TSC22D1: variants seen among roughly 807,000 people sequenced by gnomAD.
The protein encoded by TSC22D1 is TSC22 domain family member 1.
In TSC22D1, 9 loss-of-function variants were observed where a neutral mutation model predicts 74.2. The ratio of observed to expected loss-of-function variants is 0.12; its 90% CI spans 0.07 to 0.21. The LOEUF is 0.21. TSC22D1 is among the 10% of genes least tolerant of loss of function. The pLI, the probability that TSC22D1 is intolerant of heterozygous loss-of-function variation, is 1.00. For synonymous variants in TSC22D1, 586 were observed against 492.5 expected, an observed-to-expected ratio of 1.19 and a Z score of -2.51; for missense variants, 1,427 against 1,304.7, an observed-to-expected ratio of 1.09 and a Z score of -1.44.
At chr13:44,499,628 AT>A (rs1466579735) in intron 1 of TSC22D1, among the ~76,000 whole-genome samples, 2 of 152,140 alleles carry the variant, frequency 1.3e-5, no homozygotes, top group Non-Finnish European at 2.9e-5. Flanking sequence ...GACCCAAAGC[AT>A]TTCCCCCAAG....
Position 44,576,063 on chromosome 13 carries a change from C to A in TSC22D1, c.12G>T (p.Pro4=). 1.3e-6 allele frequency: 2 copies of A among 1,559,876 alleles called. No homozygotes were observed. The highest frequency in any genetic ancestry group is 8.7e-7 in the Non-Finnish European group (1 of 1,155,990). ...CGGCGGCCGCGGCGGTGGACTCAGG[C>A]GGCTGGTGCATTGTGTTGGGTACCG... MHQ[P]PESTAAAAAA... The change falls in exon 1 of 3, where the codon CCG becomes CCT. Residue 4 remains proline (P), a synonymous_variant. Transcript: ENST00000458659.
Position 44,573,319 on chromosome 13 carries a change from G to A in TSC22D1, c.2756C>T (p.Pro919Leu), listed in dbSNP as rs753953378. ...QIEDARRAAE[P>L]SLVGLPQTIS... ...AGTCTGAGGTAAGCCAACTAAGGAG[G>A]GCTCCGCTGCACGCCTGGCATCTTC... The change falls in exon 1 of 3, where the codon CCC becomes CTC. Residue 919 changes from proline (P) to leucine (L), a missense_variant. Physicochemically the swap from Pro to Leu is moderately conservative, Grantham distance 98 (BLOSUM62 -3). Transcript: ENST00000458659. 3 of 1,614,230 alleles carry A rather than the reference G, an allele frequency of 1.9e-6. No individual in the cohort carries two copies. Among genetic ancestry groups the A allele is most frequent in the Non-Finnish European group, 2.5e-6 (3 of 1,180,028 alleles).
intron 1 of TSC22D1, among the ~76,000 whole-genome samples, chr13:44,441,021 G>T (rs1875155111): frequency 6.6e-6 from 1 of 152,158 alleles, no homozygotes; most frequent in African/African-American, 2.4e-5. Context: ...TGTAAAGGTA[G>T]AATTAAAACA....
intron 1 of TSC22D1, chr13:44,474,336 G>A: frequency 1.0e-6 from 1 of 956,862 alleles, no homozygotes; most frequent in Non-Finnish European, 1.2e-6. Context: ...AAGTGCTTCA[G>A]GAAGTAGTCC....
rs1391838311 is a variant in TSC22D1 at position 44,573,292 on chromosome 13, A to C, written c.2783T>G (p.Ile928Ser). 6.2e-7 allele frequency: 1 copy of C among 1,614,210 alleles called. No homozygotes were observed. The highest frequency in any genetic ancestry group is 1.7e-5 in the Admixed American group (1 of 60,026). ...TGACATTCCCCCACTGTCACCACTG[A>C]TAGTCTGAGGTAAGCCAACTAAGGA... ...EPSLVGLPQT[I>S]SGDSGGMSAV... The change falls in exon 1 of 3, where the codon ATC (isoleucine) becomes AGC (serine). Residue 928 changes from isoleucine to serine, a missense_variant. Ile to Ser is a moderately radical substitution (Grantham distance 142). Transcript: ENST00000458659.
At chr13:44,435,324 C>T (rs1874475846) in intron 2 of TSC22D1, 1 of 160,976 alleles carries the variant, frequency 6.2e-6, no homozygotes, top group African/African-American at 2.4e-5. Context: ...CTTCCCTCCA[C>T]CCCGCCCCCC....
At position 44,435,564 on chromosome 13, in the gene TSC22D1, C is replaced by G. The variant is rs577488177; in HGVS notation, c.2964+480G>C. Among the ~76,000 whole-genome samples the G allele has an allele frequency of 2.6e-5, 4 of 152,316 alleles. No homozygotes were observed. In the South Asian group the frequency reaches 8.3e-4, roughly 32 times the overall value. On this transcript the variant is annotated intron_variant, in intron 2 of 2. Coordinates refer to ENST00000458659, the MANE Select transcript of TSC22D1 (RefSeq NM_183422.4). The stretch of plus-strand genomic sequence containing the variant: ...AGGCTAAGAAAACAAAACTTTTTCT[C>G]TGATTCTTCTTCATTGTGAAGGAGC...
intron 1 of TSC22D1, chr13:44,538,698 T>C: frequency 3.0e-6 from 3 of 985,396 alleles, no homozygotes; most frequent in Non-Finnish European, 3.6e-6. Flanking sequence ...GAGTAATTCT[T>C]AAAAGTTTAT....
Position 44,574,891 on chromosome 13 carries a change from C to T in TSC22D1, c.1184G>A (p.Ser395Asn), listed in dbSNP as rs755796627. The change falls in exon 1 of 3, where the codon AGT (serine) becomes AAT (asparagine). Residue 395 changes from serine to asparagine, a missense_variant. Around this residue, in one of 3 missense-constraint regions of TSC22D1, gnomAD observed 1,343 missense variants for 1,191.5 expected, o/e 1.13. Coordinates refer to ENST00000458659, the MANE Select transcript of TSC22D1 (RefSeq NM_183422.4). The stretch of plus-strand genomic sequence containing the variant: ...GTTAACTGTTGGTTGTTGCTGCTGA[C>T]TTGAAACCGATCCCCCAGTCATCCC... ...AAGMTGGSVSSQQQQPTVNTS... is the reference protein window; with the variant it reads ...AAGMTGGSVSNQQQQPTVNTS... 7 of 1,614,004 alleles carry T rather than the reference C, an allele frequency of 4.3e-6. No individual in the cohort carries two copies. The highest frequency in any genetic ancestry group is 5.9e-6 in the Non-Finnish European group (7 of 1,180,038).
chr13:44,534,289 CGA>C (rs992596541), intron 1 of TSC22D1, among the ~76,000 whole-genome samples: 1 of 143,236 alleles, frequency 7.0e-6, no homozygotes, highest in African/African-American at 2.6e-5. Flanking sequence ...AAAACTGAGG[CGA>C]GAGGATCACT....
chr13:44,471,364 T>G (rs770568642), intron 1 of TSC22D1, among the ~76,000 whole-genome samples: 2 of 152,216 alleles, frequency 1.3e-5, no homozygotes, highest in Non-Finnish European at 2.9e-5. Flanking sequence ...CAACATAAGA[T>G]GTGGAAATGC....
At chr13:44,435,375 A>C (rs1161821774) in intron 2 of TSC22D1, 1 of 157,296 alleles carries the variant, frequency 6.4e-6, no homozygotes, top group African/African-American at 2.4e-5. Flanking sequence ...ACCTGGGCAG[A>C]CGTCGCAGCC....
intron 1 of TSC22D1, among the ~76,000 whole-genome samples, chr13:44,456,236 G>C (rs772910759): frequency 1.3e-5 from 2 of 152,298 alleles, no homozygotes; most frequent in East Asian, 1.9e-4. Context: ...CTTCCACGGC[G>C]GAGAAGAAGA....
At chr13:44,490,349 G>A (rs1670575130) in intron 1 of TSC22D1, among the ~76,000 whole-genome samples, 1 of 149,814 alleles carries the variant, frequency 6.7e-6, no homozygotes, top group South Asian at 2.1e-4. Context: ...TCATTTGAGA[G>A]AATGCTAAGT....
At chr13:44,515,744 A>C (rs1174557780) in intron 1 of TSC22D1, among the ~76,000 whole-genome samples, 1 of 152,140 alleles carries the variant, frequency 6.6e-6, no homozygotes, top group Non-Finnish European at 1.5e-5. Context: ...GCCTAAGTGA[A>C]AAAAATTCTT....
chr13:44,544,054 T>C (rs951801741), intron 1 of TSC22D1, among the ~76,000 whole-genome samples: 7 of 152,102 alleles, frequency 4.6e-5, no homozygotes, highest in African/African-American at 1.4e-4. Context: ...GACTGTGCCA[T>C]TGCACTCCAG....
intron 1 of TSC22D1, among the ~76,000 whole-genome samples, chr13:44,535,329 T>C (rs966015169): frequency 3.3e-5 from 5 of 152,252 alleles, no homozygotes; most frequent in Admixed American, 2.0e-4. Context: ...TCTAATTACC[T>C]TAGATGTACA....
chr13:44,458,245 A>T (rs940758919), intron 1 of TSC22D1, among the ~76,000 whole-genome samples: 1 of 152,228 alleles, frequency 6.6e-6, no homozygotes, highest in African/African-American at 2.4e-5. Flanking sequence ...AGCATCTATG[A>T]TGTTGTTTTA....
chr13:44,436,349 GC>G, intron 1 of TSC22D1: 2 of 1,106,870 alleles, frequency 1.8e-6, no homozygotes, highest in Non-Finnish European at 2.6e-6. Flanking sequence ...GGCCAGACTT[GC>G]AAAAATAAGG....
Sources: gnomAD v4.1 joint callset for allele counts (sites outside exome capture counted in the v4.1 genomes callset) on GRCh38, gnomAD v4.1.1 for gene constraint, gnomAD v4.1.1 regional missense constraint, MANE v1.5 for transcripts, NCBI Gene and HGNC (gene_info 2026-07-23, HGNC 2026-07-21) for gene names.